The following TYW1 variants were observed in gnomAD, a reference collection of about 807,000 sequenced individuals.
The protein encoded by TYW1 is tRNA-yW synthesizing protein 1 homolog.
In TYW1, 46 loss-of-function variants were observed where a neutral mutation model predicts 96.2. That is an observed-to-expected ratio of 0.48 (90% confidence interval 0.38 to 0.61). The LOEUF (loss-of-function observed/expected upper bound fraction) is 0.61, where lower values mean the gene tolerates loss of function less well. TYW1 is among the 20% of genes least tolerant of loss of function. TYW1 has a pLI of 0.00. For missense variants in TYW1, 684 were observed against 909.6 expected (o/e 0.75, Z 3.19); for synonymous variants, 274 against 323.0 (o/e 0.85, Z 1.63).
intron 15 of TYW1, among the ~76,000 whole-genome samples, chr7:67,235,749 C>T (rs1316967445): frequency 6.6e-6 from 1 of 151,886 alleles, no homozygotes; most frequent in Non-Finnish European, 1.5e-5. Context: ...AAAAAATTAG[C>T]CAGGTGTGGT....
chr7:67,103,963 C>T (rs2115891396), intron 12 of TYW1, among the ~76,000 whole-genome samples: 1 of 152,166 alleles, frequency 6.6e-6, no homozygotes, highest in East Asian at 1.9e-4. Flanking sequence ...CTTACACACA[C>T]ACTAGGAAGT....
chr7:67,187,132 C>T (rs1270601659), intron 14 of TYW1, among the ~76,000 whole-genome samples: 1 of 144,486 alleles, frequency 6.9e-6, no homozygotes, highest in Non-Finnish European at 1.5e-5. Flanking sequence ...GGCACAATCT[C>T]GGTTCACTGC....
At chr7:67,057,105 C>G (rs1795542513) in intron 9 of TYW1, among the ~76,000 whole-genome samples, 1 of 151,262 alleles carries the variant, frequency 6.6e-6, no homozygotes. Flanking sequence ...ACCTCCGCCT[C>G]CTGGGTTCAA....
chr7:67,042,050 A>C, intron 7 of TYW1, among the ~76,000 whole-genome samples: 1 of 147,072 alleles, frequency 6.8e-6, no homozygotes, highest in East Asian at 2.0e-4. Flanking sequence ...TTAATATATA[A>C]TTATATTAGA....
chr7:67,182,812 G>A (rs1387269102), intron 13 of TYW1, among the ~76,000 whole-genome samples: 1 of 152,096 alleles, frequency 6.6e-6, no homozygotes, highest in Non-Finnish European at 1.5e-5. Flanking sequence ...TGTTTGGTCA[G>A]TTTATCATTC....
intron 13 of TYW1, among the ~76,000 whole-genome samples, chr7:67,176,178 A>G (rs1799665540): frequency 6.6e-6 from 1 of 152,224 alleles, no homozygotes; most frequent in Non-Finnish European, 1.5e-5. Context: ...AAGCATCAAA[A>G]GTATATTACC....
intron 10 of TYW1, among the ~76,000 whole-genome samples, chr7:67,077,497 A>G (rs1796243682): frequency 6.6e-6 from 1 of 152,208 alleles, no homozygotes; most frequent in African/African-American, 2.4e-5. Flanking sequence ...AGTGATGTTG[A>G]GCATTTAAAA....
intron 13 of TYW1, among the ~76,000 whole-genome samples, 176 bp downstream of exon 13, chr7:67,117,794 T>G (rs1797640388): frequency 6.6e-6 from 1 of 152,270 alleles, no homozygotes; most frequent in Non-Finnish European, 1.5e-5. Context: ...CAAGGAATTT[T>G]GAACATTTAC....
intron 11 of TYW1, among the ~76,000 whole-genome samples, chr7:67,091,375 A>G (rs1259926687): frequency 2.2e-5 from 3 of 134,962 alleles, no homozygotes; most frequent in Admixed American, 8.1e-5. Flanking sequence ...GAGAACACTT[A>G]GACATAGGAA....
At position 67,193,901 on chromosome 7, in the gene TYW1, C is replaced by G. The variant is rs1437841898; in HGVS notation, c.1810-1269C>G. Among the ~76,000 whole-genome samples the G allele has an allele frequency of 3.3e-5, 5 of 151,602 alleles. No individual in the cohort carries two copies. In the East Asian group the frequency reaches 9.7e-4, roughly 29 times the overall value. ...GAATGTGTATGAGGGGTGCACATGC[C>G]TTTCTCCCCACTCCCTCCAAGTTAT... On this transcript the variant is annotated intron_variant, in intron 14 of 15. Coordinates refer to ENST00000359626, the MANE Select transcript of TYW1 (RefSeq NM_018264.4).
intron 13 of TYW1, among the ~76,000 whole-genome samples, chr7:67,164,327 C>T (rs1799256313): frequency 6.6e-6 from 1 of 152,198 alleles, no homozygotes; most frequent in Admixed American, 6.5e-5. Context: ...TTACCCCTTG[C>T]AGCCAGGTGT....
chr7:67,025,018 A>G lies in TYW1; in HGVS notation c.980A>G (p.Glu327Gly). 1 of 1,613,734 alleles carries G rather than the reference A, an allele frequency of 6.2e-7. No homozygotes were observed. The highest frequency in any genetic ancestry group is 8.5e-7 in the Non-Finnish European group (1 of 1,179,756). ...LGKIMDHVKKEKREKEQQEEK... is the reference protein window; with the variant it reads ...LGKIMDHVKKGKREKEQQEEK... ...AAAATTATGGATCATGTGAAGAAAG[A>G]AAAGGTACCGTTACTTTGGGAAATG... The change falls in exon 7 of 16, where the codon GAA (glutamate) becomes GGA (glycine). Residue 327 changes from glutamate to glycine, a missense_variant. Transcript: ENST00000359626.
intron 14 of TYW1, among the ~76,000 whole-genome samples, chr7:67,193,852 T>TTG (rs34815766): frequency 0.27 from 40,683 of 148,558 alleles, 5,773 homozygotes; most frequent in African/African-American, 0.37. Flanking sequence ...TTGTGTGTGT[T>TTG]TGTGTGTGTG....
At chr7:67,082,937 A>G (rs1796431922) in intron 10 of TYW1, among the ~76,000 whole-genome samples, 1 of 152,050 alleles carries the variant, frequency 6.6e-6, no homozygotes, top group Non-Finnish European at 1.5e-5. Flanking sequence ...TTTTGGTCTC[A>G]AAATGACATT....
At chr7:67,067,681 ATAGTGATACAT>A (rs1248044600) in intron 10 of TYW1, among the ~76,000 whole-genome samples, 1 of 152,242 alleles carries the variant, frequency 6.6e-6, no homozygotes, top group African/African-American at 2.4e-5. Context: ...TTATCGATAA[ATAGTGATACAT>A]TAGTGATAAA....
intron 15 of TYW1, among the ~76,000 whole-genome samples, chr7:67,225,144 T>G (rs1745985533): frequency 6.8e-6 from 1 of 146,554 alleles, no homozygotes; most frequent in African/African-American, 2.5e-5. Context: ...TGAGCCGAGA[T>G]TGCACCACTG....
intron 15 of TYW1, among the ~76,000 whole-genome samples, chr7:67,235,117 A>G (rs909907224): frequency 2.0e-5 from 3 of 152,144 alleles, no homozygotes; most frequent in Non-Finnish European, 4.4e-5. Flanking sequence ...CAAAACACCA[A>G]AGGGACACAA....
intron 11 of TYW1, among the ~76,000 whole-genome samples, chr7:67,088,758 G>C (rs1250043111): frequency 1.3e-5 from 2 of 151,986 alleles, no homozygotes; most frequent in Admixed American, 6.5e-5. Context: ...TTGTAGATAT[G>C]GGGGTCTCAC....
intron 11 of TYW1, among the ~76,000 whole-genome samples, chr7:67,089,781 A>G (rs937154682): frequency 2.6e-5 from 4 of 152,066 alleles, no homozygotes; most frequent in Non-Finnish European, 5.9e-5. Flanking sequence ...TCTTTTCCTG[A>G]CCTTTATTAG....
Sources: allele counts gnomAD v4.1 joint callset (sites outside exome capture counted in the v4.1 genomes callset), GRCh38; gene constraint gnomAD v4.1.1; transcripts MANE v1.5; gene names NCBI Gene and HGNC (gene_info 2026-07-23, HGNC 2026-07-21).